CPLANE1: variants seen among roughly 807,000 people sequenced by gnomAD.
CPLANE1 encodes the protein ciliogenesis and planar polarity effector complex subunit 1.
A neutral mutation model predicts 362.5 loss-of-function variants in CPLANE1; 263 were observed. The ratio of observed to expected loss-of-function variants is 0.73; its 90% confidence interval spans 0.66 to 0.80. The LOEUF is 0.80. Among genes scored for constraint, CPLANE1 ranks in the 30% least tolerant of loss-of-function variants. The pLI is 0.00. For synonymous variants in CPLANE1, 1,212 were observed against 1,302.6 expected (o/e 0.93, Z 1.50); for missense variants, 3,461 against 3,793.4 (o/e 0.91, Z 2.30).
At chr5:37,139,405 GT>G (rs751987460) in intron 44 of CPLANE1, 35 bp from the exon 45 acceptor site, 538 of 1,089,074 alleles carry the variant, frequency 4.9e-4, no homozygotes, top group African/African-American at 1.7e-3. Context: ...AAAATTTTGG[GT>G]TTTTTTTTGC....
At chr5:37,080,901 C>CACTT in the CPLANE1 span, among the ~76,000 whole-genome samples, 5 of 152,196 alleles carry the variant, frequency 3.3e-5, no homozygotes, top group African/African-American at 1.2e-4. Context: ...ACCTGGCACG[C>CACTT]ACTTACCACA....
In CPLANE1 at chr5:37,239,794, T is replaced by C; in HGVS notation, c.753A>G (p.Val251=). Residue 251 remains valine (V), a synonymous_variant, in exon 7 of 53, where the codon GTA becomes GTG. Coordinates refer to ENST00000651892, the MANE Select transcript of CPLANE1 (RefSeq NM_001384732.1). ...LCSLIPKCES[V]KSRGALISAF... is the part of the protein sequence containing the mutation. ...CAGAAATTAGAGCTCCTCTTGACTTTACTGATTCACATTTAGGAATTAAAC... is the reference window on the plus strand; with the variant it reads ...CAGAAATTAGAGCTCCTCTTGACTTCACTGATTCACATTTAGGAATTAAAC... 1 of 1,547,316 alleles carries C rather than the reference T, an allele frequency of 6.5e-7. No homozygotes were observed. The highest frequency in any genetic ancestry group is 8.7e-7 in the Non-Finnish European group (1 of 1,144,540).
At chr5:37,229,484 A>T (rs1797229596) in intron 9 of CPLANE1, among the ~76,000 whole-genome samples, 3 of 152,008 alleles carry the variant, frequency 2.0e-5, no homozygotes, top group African/African-American at 7.2e-5. Context: ...GCTTGCAGTG[A>T]GCCGAGATGG....
chr5:37,219,552 C>T (rs951618903), intron 15 of CPLANE1, among the ~76,000 whole-genome samples: 9 of 151,964 alleles, frequency 5.9e-5, no homozygotes, highest in African/African-American at 2.2e-4. Flanking sequence ...AAAAAATTAG[C>T]CAGGCGTGAG....
At chr5:37,123,819 C>A (rs925783787) in intron 47 of CPLANE1, among the ~76,000 whole-genome samples, 5 of 152,092 alleles carry the variant, frequency 3.3e-5, no homozygotes, top group African/African-American at 1.2e-4. Flanking sequence ...AGCCACTATT[C>A]CTAGCCAATT....
chr5:37,144,932 T>C (rs1771069959), intron 43 of CPLANE1, among the ~76,000 whole-genome samples: 1 of 151,898 alleles, frequency 6.6e-6, no homozygotes, highest in Non-Finnish European at 1.5e-5. Context: ...AAATCTTAAC[T>C]AAGTGCTGAC....
intron 46 of CPLANE1, among the ~76,000 whole-genome samples, chr5:37,127,328 TC>T (rs1468898141): frequency 1.3e-5 from 2 of 152,250 alleles, no homozygotes; most frequent in East Asian, 3.9e-4. Flanking sequence ...ATGATAGTTG[TC>T]CCCAGTTTTA....
intron 8 of CPLANE1, among the ~76,000 whole-genome samples, chr5:37,231,350 C>G (rs555650490): frequency 3.3e-5 from 5 of 152,162 alleles, no homozygotes; most frequent in Non-Finnish European, 5.9e-5. Flanking sequence ...GAGGCCGAGG[C>G]AGGCGGATCA....
chr5:37,211,738 C>T (rs561196287), intron 16 of CPLANE1: 24 of 781,172 alleles, frequency 3.1e-5, no homozygotes, highest in South Asian at 1.3e-4. Context: ...TCCAGCCCTC[C>T]GGAGCAGAAA....
chr5:37,244,542 A>T lies in CPLANE1; in HGVS notation c.403T>A (p.Ser135Thr). The change falls in exon 5 of 53, where the codon TCT becomes ACT. Residue 135 changes from serine (S) to threonine (T), a missense_variant. Ser to Thr is a moderately conservative substitution (Grantham distance 58). This residue lies in a region of CPLANE1 where 3,380 missense variants were observed against 3,666.1 expected (regional missense o/e 0.92). Transcript: ENST00000651892. Reference protein sequence around the residue: ...NGKRIVLITPSGCIFLWEYLE... With the variant: ...NGKRIVLITPTGCIFLWEYLE... The stretch of plus-strand genomic sequence containing the variant: ...TATTCCCAAAGAAATATGCATCCAG[A>T]AGGTGTTATGAGCACAATTCTTTTC... The T allele has an allele frequency of 6.4e-7, 1 of 1,551,792 alleles. No homozygotes were observed.
intron 12 of CPLANE1, 73 bp from the exon 13 acceptor site, chr5:37,224,813 A>ATT (rs201028510): frequency 1.2e-4 from 89 of 752,420 alleles, no homozygotes; most frequent in African/African-American, 2.2e-4. Flanking sequence ...TTTTTAGCCT[A>ATT]TTTTTTTTTT....
intron 29 of CPLANE1, among the ~76,000 whole-genome samples, chr5:37,178,598 G>A (rs1399222091): frequency 1.3e-5 from 2 of 149,080 alleles, no homozygotes; most frequent in East Asian, 1.9e-4. Context: ...GGGCAAAAGA[G>A]CAAGACCCTC....
chr5:37,227,350 T>A lies in CPLANE1; in HGVS notation c.1414A>T (p.Arg472Trp), dbSNP rs368258488. Residue 472 changes from arginine (R) to tryptophan (W), a missense_variant, in exon 11 of 53, where the codon AGG becomes TGG. Coordinates refer to ENST00000651892, the MANE Select transcript of CPLANE1 (RefSeq NM_001384732.1). ...GLNLRSLNSLRSSLLEHQGNE... is the reference protein window; with the variant it reads ...GLNLRSLNSLWSSLLEHQGNE... The stretch of plus-strand genomic sequence containing the variant: ...CCTTGGTGTTCTAACAGGCTAGACC[T>A]TAGGGAATTCAGTGATCGCAAGTTC... 1.3e-6 allele frequency: 2 copies of A among 1,549,954 alleles called. No homozygotes were observed. The highest frequency in any genetic ancestry group is 2.7e-5 in the African/African-American group (2 of 72,986).
At chr5:37,212,329 A>T (rs923193097) in intron 16 of CPLANE1, 9 of 888,030 alleles carry the variant, frequency 1.0e-5, no homozygotes, top group African/African-American at 1.6e-5. Context: ...TGTAGTGACA[A>T]AGTCGAAAGT....
intron 42 of CPLANE1, among the ~76,000 whole-genome samples, chr5:37,150,331 GCT>G (rs1439678806): frequency 1.3e-5 from 2 of 152,022 alleles, no homozygotes; most frequent in African/African-American, 4.8e-5. Context: ...TCCTCCATGT[GCT>G]CTCCCTGAGG....
chr5:37,152,162 G>A (rs1264102851), intron 42 of CPLANE1, among the ~76,000 whole-genome samples: 1 of 151,970 alleles, frequency 6.6e-6, no homozygotes, highest in East Asian at 1.9e-4. Context: ...CCCAATATTA[G>A]ACTTTAAGAC....
chr5:37,152,878 G>A (rs1283982885), intron 42 of CPLANE1, among the ~76,000 whole-genome samples: 2 of 152,000 alleles, frequency 1.3e-5, no homozygotes, highest in Non-Finnish European at 2.9e-5. Context: ...AACAGAGCAA[G>A]ACTATGACTC....
At chr5:37,196,701 C>T (rs1260608792) in intron 20 of CPLANE1, among the ~76,000 whole-genome samples, 2 of 152,120 alleles carry the variant, frequency 1.3e-5, no homozygotes, top group Non-Finnish European at 2.9e-5. Flanking sequence ...CCGAGGTGGG[C>T]AGATCACTTG....
Position 37,142,318 on chromosome 5 carries a change from G to A in CPLANE1, c.8624C>T (p.Thr2875Ile). 6.3e-7 allele frequency: 1 copy of A among 1,586,474 alleles called. No homozygotes were observed. The highest frequency in any genetic ancestry group is 2.3e-5 in the East Asian group (1 of 43,720). Residue 2875 changes from threonine to isoleucine, a missense_variant, in exon 44 of 53, where the codon ACT becomes ATT. Thr to Ile is a moderately conservative substitution (Grantham distance 89). Coordinates refer to ENST00000651892, the MANE Select transcript of CPLANE1 (RefSeq NM_001384732.1). ...AAAGTAAAGAACAATACCAGGAGAAGTAGTATTCTGATCACTGGAACTGGA... is the reference window on the plus strand; with the variant it reads ...AAAGTAAAGAACAATACCAGGAGAAATAGTATTCTGATCACTGGAACTGGA... ...SLSSSSDQNT[T>I]SPGMNSSDEL... is the part of the protein sequence containing the mutation.
Sources: allele counts gnomAD v4.1 joint callset (sites outside exome capture counted in the v4.1 genomes callset), GRCh38; gene constraint gnomAD v4.1.1; regional missense constraint gnomAD v4.1.1; transcripts MANE v1.5; gene names NCBI Gene and HGNC (gene_info 2026-07-23, HGNC 2026-07-21).